MAGI2: variants seen among roughly 807,000 people sequenced by gnomAD.
The protein encoded by MAGI2 is membrane associated guanylate kinase, WW and PDZ domain containing 2, also known as membrane-associated guanylate kinase, WW and PDZ domain-containing protein 2.
Under a neutral mutation model 133.3 loss-of-function variants are expected in MAGI2, and 35 were observed. The observed-to-expected ratio is 0.26, with a 90% CI of 0.20 to 0.35. The LOEUF is 0.35. Ranked by LOEUF, MAGI2 falls within the 10% of genes least tolerant of loss-of-function variation. The probability of loss-of-function intolerance (pLI) is 1.00; values close to 1 mark genes in which losing one functional copy is unlikely to be tolerated. For missense variants in MAGI2, 1,636 were observed against 1,863.4 expected, an observed-to-expected ratio of 0.88 and a Z score of 2.25; for synonymous variants, 729 against 710.6, an observed-to-expected ratio of 1.03 and a Z score of -0.41.
rs146128829 is a variant in MAGI2, at chr7:79,159,211, T to A, written c.302-152005A>T. ...GATATTTAGGACAAAACAGAAAGTC[T>A]AAGCATGTTGCGAATGGTCTATGTA... On this transcript the variant is annotated intron_variant, in intron 1 of 21. Coordinates refer to ENST00000354212, the MANE Select transcript of MAGI2 (RefSeq NM_012301.4). Among the ~76,000 whole-genome samples, 400 of 152,210 alleles carry A rather than the reference T, an allele frequency of 2.6e-3. 1 individual carries two copies. The highest frequency in any genetic ancestry group is 9.2e-3 in the African/African-American group (384 of 41,556).
At chr7:78,659,604 G>C (rs1812711020) in intron 2 of MAGI2, among the ~76,000 whole-genome samples, 1 of 152,004 alleles carries the variant, frequency 6.6e-6, no homozygotes, top group South Asian at 2.1e-4. Flanking sequence ...TAGAAATGGA[G>C]AACAGATTAC....
intron 20 of MAGI2, among the ~76,000 whole-genome samples, chr7:78,102,284 A>T (rs116120491): frequency 0.01 from 1,530 of 152,334 alleles, 28 homozygotes; most frequent in African/African-American, 0.035. Context: ...AATGTACAGC[A>T]TGGTAACTAT....
intron 2 of MAGI2, among the ~76,000 whole-genome samples, chr7:78,978,552 G>T (rs1804497664): frequency 1.3e-5 from 2 of 151,794 alleles, no homozygotes; most frequent in Non-Finnish European, 2.9e-5. Context: ...AAACTATTTT[G>T]TATGACATTG....
chr7:78,620,019 C>A (rs1014202933), intron 3 of MAGI2, among the ~76,000 whole-genome samples: 5 of 151,760 alleles, frequency 3.3e-5, no homozygotes, highest in Non-Finnish European at 4.4e-5. Context: ...ACTTTAAGTG[C>A]CAAGAATCTA....
chr7:78,539,490 T>C (rs1162981270), intron 3 of MAGI2, among the ~76,000 whole-genome samples: 1 of 152,046 alleles, frequency 6.6e-6, no homozygotes, highest in Non-Finnish European at 1.5e-5. Context: ...TTTTTTGTTT[T>C]TTTGTGCCCT....
chr7:78,398,564 C>T (rs1002795317), intron 6 of MAGI2, among the ~76,000 whole-genome samples: 1 of 152,132 alleles, frequency 6.6e-6, no homozygotes, highest in African/African-American at 2.4e-5. Flanking sequence ...AGAGAACTTG[C>T]AAATTGTAAA....
chr7:78,121,665 T>C (rs1820489036), intron 20 of MAGI2, among the ~76,000 whole-genome samples: 1 of 152,214 alleles, frequency 6.6e-6, no homozygotes, highest in Admixed American at 6.5e-5. Flanking sequence ...AAAACCACCT[T>C]GGACAATACT....
At chr7:78,848,186 A>T (rs528643513) in intron 2 of MAGI2, among the ~76,000 whole-genome samples, 2 of 151,718 alleles carry the variant, frequency 1.3e-5, no homozygotes, top group African/African-American at 2.4e-5. Flanking sequence ...AGAAAGTTTG[A>T]TTTGCCCTTT....
intron 3 of MAGI2, among the ~76,000 whole-genome samples, chr7:78,578,539 A>G (rs1802505772): frequency 6.6e-6 from 1 of 152,204 alleles, no homozygotes; most frequent in African/African-American, 2.4e-5. Flanking sequence ...GAGTGAGAAT[A>G]AAAAATGGAG....
At chr7:78,633,569 G>A (rs986906609) in intron 2 of MAGI2, among the ~76,000 whole-genome samples, 27 of 149,040 alleles carry the variant, frequency 1.8e-4, no homozygotes, top group South Asian at 6.4e-4. Flanking sequence ...AGCCGGGCGT[G>A]GTGGCGGGCG....
chr7:79,287,336 T>C, intron 1 of MAGI2, among the ~76,000 whole-genome samples: 1 of 152,140 alleles, frequency 6.6e-6, no homozygotes, highest in East Asian at 1.9e-4. Flanking sequence ...TTAATATTAT[T>C]ATATTCATAT....
Position 78,234,201 on chromosome 7 carries a change from T to C in MAGI2, c.2047+21742A>G, listed in dbSNP as rs1402019692. 2.0e-5 allele frequency among the ~76,000 whole-genome samples: 3 copies of C among 152,212 alleles called. No homozygotes were observed. In the East Asian group the frequency reaches 5.8e-4, roughly 29 times the overall value. The stretch of plus-strand genomic sequence containing the variant: ...TTAAGTATAATGGATTCATCCATGC[T>C]TCCCTTGTTAAATTGTATTCCAGAT... On this transcript the variant is annotated intron_variant, in intron 10 of 21. Coordinates refer to ENST00000354212, the MANE Select transcript of MAGI2 (RefSeq NM_012301.4).
At chr7:79,177,598 A>G (rs1826211796) in intron 1 of MAGI2, among the ~76,000 whole-genome samples, 1 of 152,028 alleles carries the variant, frequency 6.6e-6, no homozygotes, top group Non-Finnish European at 1.5e-5. Context: ...TTTGCTGAGC[A>G]TTTTCTATGC....
chr7:78,357,563 G>T (rs1421770998), intron 7 of MAGI2, among the ~76,000 whole-genome samples: 5 of 152,188 alleles, frequency 3.3e-5, no homozygotes, highest in African/African-American at 1.2e-4. Context: ...AAGAATAATA[G>T]AATGGAGGGG....
chr7:79,328,523 A>G (rs1441765499), intron 1 of MAGI2, among the ~76,000 whole-genome samples: 1 of 152,240 alleles, frequency 6.6e-6, no homozygotes, highest in Non-Finnish European at 1.5e-5. Context: ...AATATGCAAT[A>G]AAATTGAAGA....
chr7:79,255,345 C>G (rs190424522), intron 1 of MAGI2, among the ~76,000 whole-genome samples: 1 of 152,238 alleles, frequency 6.6e-6, no homozygotes. Flanking sequence ...GAGTTGTCAG[C>G]TAGAGGTGGT....
intron 4 of MAGI2, among the ~76,000 whole-genome samples, chr7:78,504,331 C>T (rs1244953367): frequency 1.3e-5 from 2 of 151,234 alleles, no homozygotes; most frequent in Non-Finnish European, 2.9e-5. Flanking sequence ...TGAAATATCT[C>T]CTAATGTGTA....
At chr7:78,052,071 A>G (rs1322743945) in intron 21 of MAGI2, among the ~76,000 whole-genome samples, 4 of 151,954 alleles carry the variant, frequency 2.6e-5, no homozygotes, top group Admixed American at 6.5e-5. Context: ...GAGTTTTGCC[A>G]TGCTGCCCAG....
At chr7:78,483,356 C>G (rs544506328) in intron 6 of MAGI2, among the ~76,000 whole-genome samples, 1 of 151,908 alleles carries the variant, frequency 6.6e-6, no homozygotes, top group African/African-American at 2.4e-5. Context: ...ACTTGAGCAA[C>G]TAAGAAACAA....
Sources: gnomAD v4.1 joint callset for allele counts (sites outside exome capture counted in the v4.1 genomes callset) on GRCh38, gnomAD v4.1.1 for gene constraint, MANE v1.5 for transcripts, NCBI Gene and HGNC (gene_info 2026-07-23, HGNC 2026-07-21) for gene names.